Variants in GRM7 observed in about 807,000 individuals in gnomAD.
GRM7 encodes glutamate metabotropic receptor 7, also known as metabotropic glutamate receptor 7.
In GRM7, 35 loss-of-function variants were observed where a neutral mutation model predicts 84.5. The ratio of observed to expected loss-of-function variants is 0.41; its 90% CI spans 0.32 to 0.55. The LOEUF (loss-of-function observed/expected upper bound fraction) is 0.55, where lower values mean the gene tolerates loss of function less well. GRM7 is among the 20% of genes least tolerant of loss of function. The pLI is 0.19. For missense variants in GRM7, 1,003 were observed against 1,194.6 expected (o/e 0.84, Z 2.36); for synonymous variants, 487 against 455.1 (o/e 1.07, Z -0.89).
intron 8 of GRM7, among the ~76,000 whole-genome samples, chr3:7,609,672 T>C (rs1340036893): frequency 6.6e-6 from 1 of 151,982 alleles, no homozygotes; most frequent in African/African-American, 2.4e-5. Flanking sequence ...TGTTGAGCTT[T>C]TGAGGAGAGG....
intron 1 of GRM7, among the ~76,000 whole-genome samples, chr3:7,036,974 A>C (rs1206576386): frequency 3.9e-5 from 6 of 152,212 alleles, no homozygotes; most frequent in Admixed American, 3.9e-4. Flanking sequence ...TGAGTGATTA[A>C]TGGATCAGCG....
chr3:7,631,969 A>G (rs1249288274), intron 8 of GRM7, among the ~76,000 whole-genome samples: 1 of 152,218 alleles, frequency 6.6e-6, no homozygotes, highest in Non-Finnish European at 1.5e-5. Context: ...GGTGGTTAGA[A>G]ATAATCTCTT....
chr3:7,053,336 G>T (rs1013392345), intron 1 of GRM7, among the ~76,000 whole-genome samples: 2 of 150,994 alleles, frequency 1.3e-5, no homozygotes, highest in Non-Finnish European at 3.0e-5. Flanking sequence ...TTCTGCCAGG[G>T]TGTAGCTGTT....
chr3:7,337,378 A>G (rs891737023), intron 4 of GRM7, among the ~76,000 whole-genome samples: 8 of 152,170 alleles, frequency 5.3e-5, no homozygotes, highest in Admixed American at 3.9e-4. Context: ...CCAAGAACCC[A>G]CAACCAAATG....
In GRM7 at chr3:7,467,194, T is replaced by C. The variant is rs555233308; in HGVS notation, c.1515+5472T>C. On this transcript the variant is annotated intron_variant, in intron 7 of 9. Transcript: ENST00000357716. ...CCTCCGCCTCCCAGGTTCAAACGAC[T>C]CTCATGCCTCAGCCTCCTGAGTATC... is the stretch of plus-strand genomic sequence containing the variant. Among the ~76,000 whole-genome samples, 10 of 152,202 alleles carry C rather than the reference T, an allele frequency of 6.6e-5. No individual in the cohort carries two copies. The East Asian group carries it at 1.9e-3, about 29-fold the overall frequency.
intron 1 of GRM7, among the ~76,000 whole-genome samples, chr3:6,999,981 AAATT>A (rs1169003451): frequency 6.6e-6 from 1 of 152,212 alleles, no homozygotes; most frequent in Admixed American, 6.5e-5. Context: ...TTTCATTTTC[AAATT>A]AAGATTTAGA....
chr3:6,883,607 T>C (rs1695589299), intron 1 of GRM7, among the ~76,000 whole-genome samples: 1 of 152,184 alleles, frequency 6.6e-6, no homozygotes, highest in South Asian at 2.1e-4. Flanking sequence ...TAAATCACAC[T>C]CCATTGAATA....
At chr3:7,256,027 C>T (rs1208615257) in intron 2 of GRM7, among the ~76,000 whole-genome samples, 1 of 152,182 alleles carries the variant, frequency 6.6e-6, no homozygotes, top group Non-Finnish European at 1.5e-5. Flanking sequence ...GCCTGACTCT[C>T]GTAGGACCTC....
chr3:7,100,541 G>A (rs575589115), intron 1 of GRM7, among the ~76,000 whole-genome samples: 5 of 151,786 alleles, frequency 3.3e-5, no homozygotes, highest in African/African-American at 7.3e-5. Flanking sequence ...GTTAATGAGT[G>A]TACTGTGGAA....
chr3:7,652,655 G>T (rs1446993110), intron 8 of GRM7, among the ~76,000 whole-genome samples: 1 of 152,170 alleles, frequency 6.6e-6, no homozygotes, highest in Non-Finnish European at 1.5e-5. Flanking sequence ...TGGCTCTTTT[G>T]CAGGAATACG....
rs1264885212 is a variant in GRM7 at position 7,400,201 on chromosome 3, G to C, written c.1034-14822G>C. On this transcript the variant is annotated intron_variant, in intron 4 of 9. Coordinates refer to ENST00000357716, the MANE Select transcript of GRM7 (RefSeq NM_000844.4). Reference sequence around the variant, plus strand: ...AGGCATCTTCCCTGGCAGAACCTCAGTTCATTCATCTAAGCATGGACATGG... The same window carrying C: ...AGGCATCTTCCCTGGCAGAACCTCACTTCATTCATCTAAGCATGGACATGG... Among the ~76,000 whole-genome samples the C allele has an allele frequency of 9.9e-5, 15 of 152,144 alleles. 1 individual carries two copies. Among genetic ancestry groups the C allele is most frequent in the Admixed American group, 9.8e-4 (15 of 15,274 alleles).
intron 1 of GRM7, among the ~76,000 whole-genome samples, chr3:6,882,746 C>T (rs1012622506): frequency 2.6e-5 from 4 of 152,068 alleles, no homozygotes; most frequent in Middle Eastern, 3.2e-3. Context: ...ATATAATGAG[C>T]ATGATTCCAT....
intron 1 of GRM7, among the ~76,000 whole-genome samples, chr3:7,058,472 T>C (rs778754393): frequency 3.3e-5 from 5 of 151,932 alleles, no homozygotes; most frequent in Non-Finnish European, 7.4e-5. Context: ...CTTCTAGATG[T>C]TGATGTCAAT....
chr3:7,623,943 C>T (rs1039643679), intron 8 of GRM7, among the ~76,000 whole-genome samples: 1 of 152,184 alleles, frequency 6.6e-6, no homozygotes, highest in Non-Finnish European at 1.5e-5. Context: ...CAGTCAAGAA[C>T]CTGGCTAGCA....
chr3:7,711,647 C>G (rs925561696), intron 9 of GRM7, among the ~76,000 whole-genome samples: 1 of 152,184 alleles, frequency 6.6e-6, no homozygotes, highest in African/African-American at 2.4e-5. Context: ...AAGCTTTGTA[C>G]TCTGAATCAA....
chr3:7,701,110 C>T (rs914066220), intron 9 of GRM7, among the ~76,000 whole-genome samples: 3 of 152,070 alleles, frequency 2.0e-5, no homozygotes, highest in African/African-American at 7.2e-5. Flanking sequence ...GAATTGGCAC[C>T]GCCAGCATCC....
chr3:6,903,096 T>C (rs1170167107), intron 1 of GRM7, among the ~76,000 whole-genome samples: 1 of 152,122 alleles, frequency 6.6e-6, no homozygotes, highest in Non-Finnish European at 1.5e-5. Flanking sequence ...TAACACATTG[T>C]GCATCTTTAT....
At chr3:6,973,063 T>C (rs1264414670) in intron 1 of GRM7, among the ~76,000 whole-genome samples, 59 of 152,232 alleles carry the variant, frequency 3.9e-4, no homozygotes, top group Admixed American at 3.9e-3. Flanking sequence ...CCTTATTTTC[T>C]TCCTCGGTAA....
chr3:6,986,747 C>T (rs1228210021), intron 1 of GRM7, among the ~76,000 whole-genome samples: 3 of 152,178 alleles, frequency 2.0e-5, no homozygotes, highest in Non-Finnish European at 4.4e-5. Flanking sequence ...TAAGCAGTGG[C>T]TTCTCATTCT....
Sources: allele counts gnomAD v4.1 joint callset (sites outside exome capture counted in the v4.1 genomes callset), GRCh38; gene constraint gnomAD v4.1.1; transcripts MANE v1.5; gene names NCBI Gene and HGNC (gene_info 2026-07-23, HGNC 2026-07-21).